Variants in PNKD observed in about 807,000 individuals in gnomAD.
The protein encoded by PNKD is probable thioesterase PNKD.
In PNKD, 36 loss-of-function variants were observed where a neutral mutation model predicts 45.3. The ratio of observed to expected loss-of-function variants is 0.80; its 90% confidence interval spans 0.61 to 1.05. PNKD has a LOEUF of 1.05. Ranked by LOEUF, PNKD falls within the 50% of genes least tolerant of loss-of-function variation. The probability of loss-of-function intolerance (pLI) is 0.00; values close to 1 mark genes in which losing one functional copy is unlikely to be tolerated. For missense variants in PNKD, 511 were observed against 506.6 expected (o/e 1.01, Z -0.08); for synonymous variants, 197 against 210.1 (o/e 0.94, Z 0.54).
chr2:218,333,764 G>C (rs965811402), intron 2 of PNKD, among the ~76,000 whole-genome samples: 2 of 151,940 alleles, frequency 1.3e-5, no homozygotes, highest in Non-Finnish European at 2.9e-5. Context: ...CTCAGGCATC[G>C]GTGCAAGGTG....
At position 218,345,212 on chromosome 2, in the gene PNKD, G is replaced by A. The variant is rs977343028; in HGVS notation, c.*231G>A. On this transcript the variant is annotated 3_prime_UTR_variant, in exon 10 of 10. Coordinates refer to ENST00000273077, the MANE Select transcript of PNKD (RefSeq NM_015488.5). Reference sequence around the variant, plus strand: ...CGCAGCGCGAGGCTGCCTCATCAACGGCAAGAGGAAAGGAGGGGTCTCGGG... The same window carrying A: ...CGCAGCGCGAGGCTGCCTCATCAACAGCAAGAGGAAAGGAGGGGTCTCGGG... 7.1e-6 allele frequency: 4 copies of A among 564,144 alleles called. No individual in the cohort carries two copies. The highest frequency in any genetic ancestry group is 2.9e-5 in the East Asian group (1 of 34,168). 34.9% of individuals were successfully genotyped at this position (564,144 alleles called of 1,614,324 possible).
chr2:218,327,981 G>GAAAAAA (rs1694205282), intron 2 of PNKD: 1 of 84,622 alleles, frequency 1.2e-5, no homozygotes, highest in Non-Finnish European at 2.4e-5. Context: ...AAAAAAAAAG[G>GAAAAAA]AAACTGTTAC....
chr2:218,292,661 C>T (rs1341932755), intron 2 of PNKD: 1 of 152,140 alleles, frequency 6.6e-6, no homozygotes, highest in Admixed American at 6.5e-5. Context: ...GACGACGCCT[C>T]ACTAATAACA....
At chr2:218,299,660 C>G (rs1693224282) in intron 2 of PNKD, among the ~76,000 whole-genome samples, 1 of 151,168 alleles carries the variant, frequency 6.6e-6, no homozygotes, top group Non-Finnish European at 1.5e-5. Flanking sequence ...CTCTTGTTGC[C>G]CAGTCTGGAG....
At chr2:218,302,256 G>A (rs113835073) in intron 2 of PNKD, among the ~76,000 whole-genome samples, 5 of 152,174 alleles carry the variant, frequency 3.3e-5, no homozygotes, top group Non-Finnish European at 1.5e-5. Flanking sequence ...GCTGAGGCAG[G>A]AGAATCACTT....
chr2:218,282,009 G>A, intron 2 of PNKD: 1 of 1,607,864 alleles, frequency 6.2e-7, no homozygotes, highest in South Asian at 1.1e-5. Context: ...CCGTAGCCAG[G>A]CTGCGGGTAG....
chr2:218,325,326 G>A (rs1694120689), intron 2 of PNKD, among the ~76,000 whole-genome samples: 2 of 148,182 alleles, frequency 1.3e-5, no homozygotes, highest in Admixed American at 1.4e-4. Flanking sequence ...TCCTGCCTCA[G>A]CCTCCTGAGT....
chr2:218,335,194 A>T (rs1004217537), intron 2 of PNKD, among the ~76,000 whole-genome samples: 16 of 151,536 alleles, frequency 1.1e-4, no homozygotes, highest in South Asian at 2.1e-4. Context: ...AATATAAATA[A>T]AAATGGGCTG....
chr2:218,324,992 A>ATTTT (rs1559525909), intron 2 of PNKD, among the ~76,000 whole-genome samples: 15 of 111,344 alleles, frequency 1.3e-4, no homozygotes, highest in African/African-American at 5.7e-4. Context: ...TATCTAAATA[A>ATTTT]TTTTCTTTTT....
intron 9 of PNKD, 114 bp downstream of exon 9, chr2:218,344,684 G>C: frequency 1.5e-6 from 2 of 1,374,212 alleles, no homozygotes; most frequent in Non-Finnish European, 2.1e-6. Flanking sequence ...TGACCTCTTT[G>C]GCCCATGGGC....
At chr2:218,272,759 C>T (rs949040099) in intron 2 of PNKD, 2 of 1,614,084 alleles carry the variant, frequency 1.2e-6, no homozygotes, top group Non-Finnish European at 1.7e-6. Context: ...GGGTGCAGAC[C>T]TGAGGAGCGC....
chr2:218,286,988 C>T (rs1164637468), intron 2 of PNKD: 2 of 152,266 alleles, frequency 1.3e-5, no homozygotes, highest in African/African-American at 4.8e-5. Flanking sequence ...ACTTTATCCT[C>T]CTACCCCAGG....
chr2:218,313,454 G>C (rs1693675609), intron 2 of PNKD, among the ~76,000 whole-genome samples: 1 of 152,118 alleles, frequency 6.6e-6, no homozygotes, highest in Admixed American at 6.6e-5. Context: ...TATTGATGTT[G>C]ACAGTTGTTC....
chr2:218,292,967 TGC>T (rs1276127425), intron 2 of PNKD, among the ~76,000 whole-genome samples: 1 of 152,262 alleles, frequency 6.6e-6, no homozygotes, highest in Non-Finnish European at 1.5e-5. Flanking sequence ...AGTATTCCAT[TGC>T]ATGGCTATGC....
intron 2 of PNKD, chr2:218,278,051 G>C: frequency 2.0e-6 from 3 of 1,514,032 alleles, no homozygotes; most frequent in Non-Finnish European, 2.7e-6. Context: ...AGAAGGAAGC[G>C]CTTGGCTCCT....
rs755463007 is a variant in PNKD, at chr2:218,341,574, C to T, written c.565C>T (p.Arg189Trp). 4.4e-6 allele frequency: 7 copies of T among 1,599,460 alleles called. No individual in the cohort carries two copies. Among genetic ancestry groups the T allele is most frequent in the African/African-American group, 1.3e-5 (1 of 74,600 alleles). ...GAACCGTGACCTCAGCCGGCGGCAC[C>T]GGGACTGTCGGGTGTACGGGAGCCC... is the stretch of plus-strand genomic sequence containing the variant. ...GGNRDLSRRH[R>W]DCRVYGSPQD... The change falls in exon 6 of 10, where the codon CGG (arginine) becomes TGG (tryptophan). Residue 189 changes from arginine to tryptophan, a missense_variant. Coordinates refer to ENST00000273077, the MANE Select transcript of PNKD (RefSeq NM_015488.5).
chr2:218,318,943 T>C (rs1267128381), intron 2 of PNKD, among the ~76,000 whole-genome samples: 1 of 124,620 alleles, frequency 8.0e-6, no homozygotes, highest in Non-Finnish European at 1.6e-5. Flanking sequence ...CTTTTCTTTT[T>C]TTTTTTCTTT....
chr2:218,280,089 CACT>C, intron 2 of PNKD: 2 of 1,614,170 alleles, frequency 1.2e-6, no homozygotes, highest in Non-Finnish European at 8.5e-7. Flanking sequence ...AGCTATCACT[CACT>C]GCTCTCTCCT....
chr2:218,339,659 G>A (rs531654665), intron 2 of PNKD, 124 bp from the exon 3 acceptor site: 86 of 716,538 alleles, frequency 1.2e-4, no homozygotes, highest in Middle Eastern at 3.2e-4. Flanking sequence ...ATAAGTGAGA[G>A]TGGAATTGCA....
Sources: allele counts gnomAD v4.1 joint callset (sites outside exome capture counted in the v4.1 genomes callset), GRCh38; gene constraint gnomAD v4.1.1; transcripts MANE v1.5; gene names NCBI Gene and HGNC (gene_info 2026-07-23, HGNC 2026-07-21).